Variants in ZNF451 observed in about 807,000 individuals in gnomAD.
ZNF451 encodes zinc finger protein 451.
A neutral mutation model predicts 107.1 loss-of-function variants in ZNF451; 80 were observed. The observed-to-expected ratio is 0.75, with a 90% CI of 0.62 to 0.90. The LOEUF (loss-of-function observed/expected upper bound fraction) is 0.90. Among genes scored for constraint, ZNF451 ranks in the 40% least tolerant of loss-of-function variants. The pLI, the probability that ZNF451 is intolerant of heterozygous loss-of-function variation, is 0.00. For missense variants in ZNF451, 1,107 were observed against 1,236.2 expected (o/e 0.90, Z 1.57); for synonymous variants, 362 against 406.5 (o/e 0.89, Z 1.32).
intron 5 of ZNF451, among the ~76,000 whole-genome samples, chr6:57,130,110 C>T (rs1467039137): frequency 6.6e-6 from 1 of 152,052 alleles, no homozygotes; most frequent in Non-Finnish European, 1.5e-5. Context: ...AGCGTCAGTT[C>T]CTTAAAAGAA....
Position 57,101,769 on chromosome 6 carries a change from G to A in ZNF451, c.186+2628G>A, listed in dbSNP as rs771786576. The A allele has an allele frequency of 1.9e-4, 297 of 1,550,538 alleles. No individual in the cohort carries two copies. The Middle Eastern group carries it at 7.2e-3, about 37-fold the overall frequency. ...ACTCTGTAGTCAGAGTTATGGCCAT[G>A]GCCATAGACTATAGACGGCAGGCCT... On this transcript the variant is annotated intron_variant, in intron 3 of 14. Transcript: ENST00000370706.
chr6:57,121,566 T>C (rs886512019), intron 3 of ZNF451, among the ~76,000 whole-genome samples: 1 of 152,184 alleles, frequency 6.6e-6, no homozygotes, highest in Non-Finnish European at 1.5e-5. Context: ...CAAAAGTCAG[T>C]ATCATCTCTA....
chr6:57,112,490 AG>A (rs1830158616), intron 3 of ZNF451, among the ~76,000 whole-genome samples: 1 of 152,204 alleles, frequency 6.6e-6, no homozygotes, highest in South Asian at 2.1e-4. Context: ...GCTGATGTTC[AG>A]GGAGATATTA....
At chr6:57,101,244 A>G (rs2127939442) in intron 3 of ZNF451, 1 of 1,551,140 alleles carries the variant, frequency 6.4e-7, no homozygotes, top group South Asian at 1.2e-5. Flanking sequence ...GGGTGACATT[A>G]CAATCTGAAG....
At chr6:57,100,816 A>G in intron 3 of ZNF451, 1 of 1,548,554 alleles carries the variant, frequency 6.5e-7, no homozygotes, top group Non-Finnish European at 8.7e-7. Flanking sequence ...GATCTCTGAG[A>G]CAGAGACCCT....
At chr6:57,100,897 T>C (rs1829559196) in intron 3 of ZNF451, 3 of 1,550,520 alleles carry the variant, frequency 1.9e-6, no homozygotes, top group Non-Finnish European at 2.6e-6. Context: ...TTTGGCCTCT[T>C]CTGAGGTCAA....
intron 2 of ZNF451, 55 bp from the exon 3 acceptor site, chr6:57,099,006 C>A: frequency 7.1e-7 from 1 of 1,411,394 alleles, no homozygotes; most frequent in Non-Finnish European, 1.0e-6. Flanking sequence ...GGTTTAAATG[C>A]TAATTTGGTT....
At chr6:57,152,476 T>A (rs893895028) in intron 12 of ZNF451, 125 bp downstream of exon 12, 1 of 1,122,552 alleles carries the variant, frequency 8.9e-7, no homozygotes, top group African/African-American at 1.6e-5. Context: ...CTATGACTAT[T>A]ATGAAGGCAG....
intron 14 of ZNF451, among the ~76,000 whole-genome samples, chr6:57,167,568 C>T (rs1763953056): frequency 6.6e-6 from 1 of 152,098 alleles, no homozygotes; most frequent in African/African-American, 2.4e-5. Flanking sequence ...AATTAGACAA[C>T]ATAACACTAG....
Position 57,148,336 on chromosome 6 carries a change from C to CT in ZNF451, c.2252dup (p.Trp752ValfsTer30). The CT allele has an allele frequency of 6.2e-7, 1 of 1,614,018 alleles. No homozygotes were observed. The highest frequency in any genetic ancestry group is 8.5e-7 in the Non-Finnish European group (1 of 1,179,960). On this transcript the variant is annotated frameshift_variant, in exon 10 of 15. Transcript: ENST00000370706. LOFTEE classifies it high-confidence loss of function. ...CCAAATCATGCTGGATAAAGGAAAA[C>CT]TGTGGTTTCGCTGCAGTTTATGTTC...
rs1187223841 is a variant in ZNF451, at chr6:57,169,853, G to A, written c.*1384G>A. ...TTTAAGTGGTCAAGCAAGGCTCTAG[G>A]AGGTAGTCACTGAGCTGGACCTTAA... On this transcript the variant is annotated 3_prime_UTR_variant, in exon 15 of 15. Transcript: ENST00000370706. 6.6e-6 allele frequency: 1 copy of A among 152,194 alleles called. No homozygotes were observed. Among genetic ancestry groups the A allele is most frequent in the Non-Finnish European group, 1.5e-5 (1 of 68,040 alleles). 9.4% of individuals were successfully genotyped at this position (152,194 alleles called of 1,614,324 possible).
At chr6:57,158,226 T>A (rs774406639) in intron 13 of ZNF451, among the ~76,000 whole-genome samples, 3 of 152,234 alleles carry the variant, frequency 2.0e-5, no homozygotes, top group Non-Finnish European at 2.9e-5. Context: ...CCAGTGTGAA[T>A]TACTGGCTTT....
chr6:57,155,378 C>T (rs1468382162), intron 13 of ZNF451, among the ~76,000 whole-genome samples: 4 of 152,034 alleles, frequency 2.6e-5, no homozygotes, highest in Non-Finnish European at 4.4e-5. Flanking sequence ...CCCAGCTACT[C>T]GGGAGGCTGA....
intron 3 of ZNF451, chr6:57,106,141 A>G: frequency 2.0e-6 from 2 of 985,378 alleles, no homozygotes; most frequent in Non-Finnish European, 2.4e-6. Flanking sequence ...AGGTTGAAAA[A>G]GACACATTCC....
rs1830887720 is a variant in ZNF451 at position 57,125,476 on chromosome 6, A to G, written c.312+617A>G. ...CAGAATGTTGATATATTGGGTAAAA[A>G]ACTCCATACTAAAGTACAAAAATGG... is the stretch of plus-strand genomic sequence containing the variant. On this transcript the variant is annotated intron_variant, in intron 4 of 14. Coordinates refer to ENST00000370706, the MANE Select transcript of ZNF451 (RefSeq NM_001031623.3). Among the ~76,000 whole-genome samples, 3 of 152,154 alleles carry G rather than the reference A, an allele frequency of 2.0e-5. No individual in the cohort carries two copies. The South Asian group carries it at 6.2e-4, about 32-fold the overall frequency.
intron 14 of ZNF451, among the ~76,000 whole-genome samples, chr6:57,166,112 C>A (rs1481291875): frequency 6.6e-6 from 1 of 151,922 alleles, no homozygotes; most frequent in Non-Finnish European, 1.5e-5. Context: ...ACTGCAACCT[C>A]CGCCTCCCAG....
intron 3 of ZNF451, chr6:57,104,179 ACTC>A (rs1213603527): frequency 1.0e-6 from 1 of 985,230 alleles, no homozygotes; most frequent in African/African-American, 1.7e-5. Context: ...TTCAAACTAA[ACTC>A]TAGAAGAATA....
At chr6:57,120,720 C>G (rs1318637845) in intron 3 of ZNF451, among the ~76,000 whole-genome samples, 1 of 152,150 alleles carries the variant, frequency 6.6e-6, no homozygotes, top group Non-Finnish European at 1.5e-5. Context: ...AGCTATTTCC[C>G]CATTTTTAAG....
chr6:57,128,205 T>A (rs1831021743), intron 4 of ZNF451, among the ~76,000 whole-genome samples: 1 of 152,170 alleles, frequency 6.6e-6, no homozygotes, highest in East Asian at 1.9e-4. Context: ...AGATTAAATA[T>A]GGAAAATTTG....
Sources: allele counts gnomAD v4.1 joint callset (sites outside exome capture counted in the v4.1 genomes callset), GRCh38; gene constraint gnomAD v4.1.1; transcripts MANE v1.5; gene names NCBI Gene and HGNC (gene_info 2026-07-23, HGNC 2026-07-21).